CCDC186: variants seen among roughly 807,000 people sequenced by gnomAD.
CCDC186 encodes coiled-coil domain containing 186, also known as coiled-coil domain-containing protein 186.
A neutral mutation model predicts 113.7 loss-of-function variants in CCDC186; 49 were observed. That is an observed-to-expected ratio of 0.43 (90% CI 0.34 to 0.55). The LOEUF is 0.55. Among genes scored for constraint, CCDC186 ranks in the 20% least tolerant of loss-of-function variants. The pLI is 0.02. For synonymous variants in CCDC186, 355 were observed against 345.8 expected (o/e 1.03, Z -0.30); for missense variants, 890 against 1,011.1 (o/e 0.88, Z 1.62).
At chr10:114,140,427 T>G (rs938021537) in intron 6 of CCDC186, among the ~76,000 whole-genome samples, 3 of 152,210 alleles carry the variant, frequency 2.0e-5, no homozygotes, top group Admixed American at 1.3e-4. Flanking sequence ...TTTATTGACA[T>G]AGGAAAGCAA....
chr10:114,149,124 A>G (rs2031734046), intron 4 of CCDC186, among the ~76,000 whole-genome samples: 1 of 152,212 alleles, frequency 6.6e-6, no homozygotes, highest in Admixed American at 6.5e-5. Flanking sequence ...TCCAAAATCT[A>G]CTTTAATAAT....
chr10:114,132,867 C>T (rs1197978040), intron 10 of CCDC186, among the ~76,000 whole-genome samples: 1 of 152,164 alleles, frequency 6.6e-6, no homozygotes, highest in Non-Finnish European at 1.5e-5. Flanking sequence ...TACTATATCC[C>T]TAGCACTTAA....
At chr10:114,164,102 G>GTGTGTGTGTGTA (rs1386565625) in intron 1 of CCDC186, among the ~76,000 whole-genome samples, 3 of 101,124 alleles carry the variant, frequency 3.0e-5, no homozygotes, top group South Asian at 7.2e-4. Flanking sequence ...GTGTGTGTGT[G>GTGTGTGTGTGTA]TATATATATA....
At position 114,135,029 on chromosome 10, in the gene CCDC186, T is replaced by C. The variant is rs373521297; in HGVS notation, c.1539A>G (p.Leu513=). ...ATTTTGATAATTCATCTTCTGTTCT[T>C]AATCGTTCATCTTCTAGACATTTCA... ...TKVKCLEDER[L]RTEDELSKYK... is the part of the protein sequence containing the mutation. Residue 513 remains leucine (L), a synonymous_variant, in exon 10 of 16, where the codon TTA becomes TTG. Coordinates refer to ENST00000369287, the MANE Select transcript of CCDC186 (RefSeq NM_018017.4). 49 of 1,609,690 alleles carry C rather than the reference T, an allele frequency of 3.0e-5. No homozygotes were observed. The highest frequency in any genetic ancestry group is 3.7e-5 in the Non-Finnish European group (44 of 1,178,984).
At chr10:114,168,403 T>C (rs890297356) in intron 1 of CCDC186, 8 of 152,220 alleles carry the variant, frequency 5.3e-5, no homozygotes, top group African/African-American at 1.9e-4. Flanking sequence ...TCTGGTTCCA[T>C]TTCCTGTTTT....
At chr10:114,131,512 G>T (rs1445382927) in intron 11 of CCDC186, among the ~76,000 whole-genome samples, 176 bp from the exon 12 acceptor site, 1 of 151,968 alleles carries the variant, frequency 6.6e-6, no homozygotes, top group African/African-American at 2.4e-5. Flanking sequence ...AAAGCAGGGG[G>T]ATACATTAAG....
chr10:114,137,983 G>A (rs2119732003), intron 6 of CCDC186, among the ~76,000 whole-genome samples: 1 of 140,442 alleles, frequency 7.1e-6, no homozygotes, highest in Admixed American at 7.6e-5. Flanking sequence ...GTTGCGGTGA[G>A]CCGAAATTGC....
intron 14 of CCDC186, among the ~76,000 whole-genome samples, chr10:114,126,609 C>T (rs2030911481): frequency 6.6e-6 from 1 of 152,148 alleles, no homozygotes; most frequent in Non-Finnish European, 1.5e-5. Context: ...CGGCCTCCGG[C>T]CTCCCAAAGT....
intron 3 of CCDC186, 103 bp downstream of exon 3, chr10:114,157,451 C>CA (rs1319969872): frequency 1.7e-6 from 2 of 1,164,108 alleles, no homozygotes; most frequent in East Asian, 5.7e-5. Flanking sequence ...CTTGGCCTCC[C>CA]AAAGTGCTAC....
In CCDC186 at chr10:114,132,198, T is replaced by A. The variant is rs1307597744; in HGVS notation, c.1656-14A>T. 1 of 1,505,886 alleles carries A rather than the reference T, an allele frequency of 6.6e-7. No homozygotes were observed. The highest frequency in any genetic ancestry group is 9.0e-7 in the Non-Finnish European group (1 of 1,112,932). 93.3% of individuals were successfully genotyped at this position (1,505,886 alleles called of 1,614,324 possible). On this transcript the variant is annotated splice_polypyrimidine_tract_variant and intron_variant, in intron 10 of 15. Coordinates refer to ENST00000369287, the MANE Select transcript of CCDC186 (RefSeq NM_018017.4). ...TCTTGCTTACCTCTAAAACACAAAA[T>A]TTATATTTAAGAAAAAATAAACCAT...
At chr10:114,144,395 T>C (rs1344236976) in intron 6 of CCDC186, 102 bp downstream of exon 6, 2 of 1,400,306 alleles carry the variant, frequency 1.4e-6, no homozygotes, top group African/African-American at 2.9e-5. Context: ...AAACTCATTC[T>C]AATCTGAAAG....
At chr10:114,126,256 G>T in intron 14 of CCDC186, 151 bp from the exon 15 acceptor site, 1 of 635,756 alleles carries the variant, frequency 1.6e-6, no homozygotes, top group Non-Finnish European at 2.7e-6. Context: ...TATTCAGATG[G>T]TTTCTTAAAC....
Position 114,124,920 on chromosome 10 carries a change from G to T in CCDC186, c.*223C>A, listed in dbSNP as rs1369574714. ...AGTTGTTTAGATTCAATGACAGGCT[G>T]TCATATTGCACCATACAAAAACAAA... On this transcript the variant is annotated 3_prime_UTR_variant, in exon 16 of 16. Transcript: ENST00000369287. The T allele has an allele frequency of 5.1e-6, 2 of 391,350 alleles. No homozygotes were observed. Among genetic ancestry groups the T allele is most frequent in the Admixed American group, 4.5e-5 (1 of 22,374 alleles). 24.2% of individuals were successfully genotyped at this position (391,350 alleles called of 1,614,324 possible). A position where few individuals can be genotyped will look rare whatever the true frequency, so the allele number is the denominator to read the frequency against.
At chr10:114,167,015 GTTTTT>G (rs201434736) in intron 1 of CCDC186, among the ~76,000 whole-genome samples, 1 of 127,266 alleles carries the variant, frequency 7.9e-6, no homozygotes, top group African/African-American at 2.9e-5. Context: ...TTGCAAGCTG[GTTTTT>G]TTTTTTTTTT....
chr10:114,144,339 T>A (rs2031567312), intron 6 of CCDC186, among the ~76,000 whole-genome samples, 158 bp downstream of exon 6: 1 of 152,076 alleles, frequency 6.6e-6, no homozygotes, highest in Non-Finnish European at 1.5e-5. Flanking sequence ...TGCAGGTCAC[T>A]AAACTAAGCT....
Position 114,150,586 on chromosome 10 carries a change from T to A in CCDC186, c.888+506A>T, listed in dbSNP as rs565255462. 1.4e-4 allele frequency among the ~76,000 whole-genome samples: 22 copies of A among 152,064 alleles called. No individual in the cohort carries two copies. In the East Asian group the frequency reaches 1.5e-3, roughly 11 times the overall value. On this transcript the variant is annotated intron_variant, in intron 4 of 15. Transcript: ENST00000369287. ...GAATATGTACAGATTAAAAAAAAAATTTTTATTCCATACACTTTTTTATTC... is the reference window on the plus strand; with the variant it reads ...GAATATGTACAGATTAAAAAAAAAAATTTTATTCCATACACTTTTTTATTC...
chr10:114,158,127 G>A lies in CCDC186; in HGVS notation c.633-447C>T, dbSNP rs548745988. ...CATCTAGTGGATGGAGGCCAGGGAT[G>A]CTGCTAAACATCCTACAATGCACAA... is the stretch of plus-strand genomic sequence containing the variant. On this transcript the variant is annotated intron_variant, in intron 2 of 15. Transcript: ENST00000369287. Among the ~76,000 whole-genome samples, 3 of 152,324 alleles carry A rather than the reference G, an allele frequency of 2.0e-5. No homozygotes were observed. The East Asian group carries it at 5.8e-4, about 29-fold the overall frequency.
chr10:114,141,684 G>C (rs2031474136), intron 6 of CCDC186, among the ~76,000 whole-genome samples: 1 of 151,966 alleles, frequency 6.6e-6, no homozygotes, highest in Non-Finnish European at 1.5e-5. Flanking sequence ...CACATGTACT[G>C]ATCAGTAGTC....
chr10:114,133,045 G>A (rs887621161), intron 10 of CCDC186, among the ~76,000 whole-genome samples: 3 of 152,172 alleles, frequency 2.0e-5, no homozygotes. Flanking sequence ...GAGGCAGTGG[G>A]AAATCAATGA....
Sources: gnomAD v4.1 joint callset for allele counts (sites outside exome capture counted in the v4.1 genomes callset) on GRCh38, gnomAD v4.1.1 for gene constraint, MANE v1.5 for transcripts, NCBI Gene and HGNC (gene_info 2026-07-23, HGNC 2026-07-21) for gene names.